Variants in B3GALT1 observed in about 807,000 individuals in gnomAD.
B3GALT1 encodes beta-1,3-galactosyltransferase 1, also known as UDP-Gal:betaGlcNAc beta 1,3-galactosyltransferase, polypeptide 1.
B3GALT1 carries 10 observed loss-of-function variants against 23.2 expected under a neutral mutation model. The ratio of observed to expected loss-of-function variants is 0.43; its 90% CI spans 0.27 to 0.73. B3GALT1 has a LOEUF of 0.73. B3GALT1 is among the 30% of genes least tolerant of loss of function. B3GALT1 has a pLI of 0.21. For synonymous variants in B3GALT1, 156 were observed against 141.5 expected (o/e 1.10, Z -0.73); for missense variants, 299 against 405.4 (o/e 0.74, Z 2.25).
intron 1 of B3GALT1, among the ~76,000 whole-genome samples, chr2:167,365,585 TACACACACACACACAC>T (rs10683932): frequency 1.3e-3 from 182 of 140,472 alleles, no homozygotes; most frequent in South Asian, 2.4e-3. Flanking sequence ...GAGATACAAA[TACACACACACACACAC>T]ACACACACAC....
intron 2 of B3GALT1, among the ~76,000 whole-genome samples, chr2:167,548,675 C>CTGTGTGAGTGTGTGTGTGT (rs1231846870): frequency 1.0e-5 from 1 of 99,844 alleles, no homozygotes; most frequent in South Asian, 4.4e-4. Context: ...CCTGTCCAGA[C>CTGTGTGAGTGTGTGTGTGT]GTGTGTGTGA....
intron 1 of B3GALT1, among the ~76,000 whole-genome samples, chr2:167,416,139 G>A (rs905964369): frequency 6.6e-6 from 1 of 152,194 alleles, no homozygotes; most frequent in Non-Finnish European, 1.5e-5. Flanking sequence ...GGTGGTAGAA[G>A]AAGACCCTGG....
intron 2 of B3GALT1, among the ~76,000 whole-genome samples, chr2:167,568,620 A>G (rs1443658574): frequency 1.3e-5 from 2 of 151,996 alleles, no homozygotes; most frequent in Non-Finnish European, 2.9e-5. Flanking sequence ...TATATATTTT[A>G]GATAACAATA....
At chr2:167,362,986 G>A (rs1028403209) in intron 1 of B3GALT1, among the ~76,000 whole-genome samples, 2 of 152,058 alleles carry the variant, frequency 1.3e-5, no homozygotes, top group African/African-American at 4.8e-5. Flanking sequence ...CTCTGAAGTA[G>A]CTGGGATTAC....
intron 1 of B3GALT1, among the ~76,000 whole-genome samples, chr2:167,432,959 T>C (rs1698727166): frequency 6.6e-6 from 1 of 152,154 alleles, no homozygotes; most frequent in Non-Finnish European, 1.5e-5. Context: ...TGGTTTACAT[T>C]GGGCCTCACT....
intron 4 of B3GALT1, among the ~76,000 whole-genome samples, chr2:167,860,084 T>C (rs1690070214): frequency 6.6e-6 from 1 of 152,156 alleles, no homozygotes; most frequent in Non-Finnish European, 1.5e-5. Context: ...AGGAGTTGGG[T>C]ATCAAAATAA....
intron 3 of B3GALT1, among the ~76,000 whole-genome samples, chr2:167,775,550 C>T (rs1170365063): frequency 1.6e-4 from 21 of 135,454 alleles, no homozygotes; most frequent in South Asian, 4.8e-4. Context: ...GCTGGGACAA[C>T]AGAGTGAGAC....
intron 3 of B3GALT1, chr2:167,714,371 A>G (rs1687110712): frequency 6.0e-6 from 9 of 1,506,790 alleles, no homozygotes; most frequent in Non-Finnish European, 8.3e-6. Context: ...CTGATGGTCC[A>G]GAGGATTCCC....
intron 1 of B3GALT1, among the ~76,000 whole-genome samples, chr2:167,431,739 A>G (rs957197520): frequency 6.6e-6 from 1 of 152,228 alleles, no homozygotes; most frequent in African/African-American, 2.4e-5. Flanking sequence ...TGGGCAAAGC[A>G]TCCTGCTCTT....
At position 167,498,783 on chromosome 2, in the gene B3GALT1, C is replaced by A. The variant is rs1376383083; in HGVS notation, c.-410+8506C>A. ...CAAGTCAATTCTTTGCCCCCATTCC[C>A]TTTCTTCTCCTTGCAGATCCCCATC... On this transcript the variant is annotated intron_variant, in intron 2 of 4. Transcript: ENST00000392690. Among the ~76,000 whole-genome samples, 3 of 152,064 alleles carry A rather than the reference C, an allele frequency of 2.0e-5. No homozygotes were observed. In the East Asian group the frequency reaches 5.8e-4, roughly 29 times the overall value.
chr2:167,688,067 A>G (rs1686645986), intron 3 of B3GALT1, among the ~76,000 whole-genome samples: 1 of 152,120 alleles, frequency 6.6e-6, no homozygotes, highest in Non-Finnish European at 1.5e-5. Flanking sequence ...TACATATTGT[A>G]ATATAATCAC....
At chr2:167,779,302 C>G (rs1463865133) in intron 3 of B3GALT1, among the ~76,000 whole-genome samples, 1 of 151,954 alleles carries the variant, frequency 6.6e-6, no homozygotes, top group Non-Finnish European at 1.5e-5. Flanking sequence ...GCTTACCATA[C>G]GTAGATATAA....
At position 167,534,511 on chromosome 2, in the gene B3GALT1, G is replaced by A. The variant is rs916382615; in HGVS notation, c.-410+44234G>A. On this transcript the variant is annotated intron_variant, in intron 2 of 4. Transcript: ENST00000392690. ...CTAGTTGGAAATATTTCTGTGGGTG[G>A]ACATTTTTAATGGGGAAATCTTTGC... is the stretch of plus-strand genomic sequence containing the variant. Among the ~76,000 whole-genome samples, 89 of 152,054 alleles carry A rather than the reference G, an allele frequency of 5.9e-4. 1 individual carries two copies. The highest frequency in any genetic ancestry group is 1.0e-4 in the Non-Finnish European group (7 of 68,000).
chr2:167,757,725 G>A (rs533402861), intron 3 of B3GALT1, among the ~76,000 whole-genome samples: 7 of 152,234 alleles, frequency 4.6e-5, no homozygotes, highest in Admixed American at 6.5e-5. Flanking sequence ...GCCTATGGCT[G>A]ATTTGATTTG....
intron 2 of B3GALT1, among the ~76,000 whole-genome samples, chr2:167,512,622 G>GTATATATATATATGTATATATATATA (rs1491336747): frequency 6.8e-4 from 29 of 42,378 alleles, no homozygotes; most frequent in African/African-American, 5.6e-3. Flanking sequence ...ATATATATAC[G>GTATATATATATATGTATATATATATA]TGTATATATA....
At chr2:167,483,698 C>T (rs1699588295) in intron 1 of B3GALT1, among the ~76,000 whole-genome samples, 1 of 152,156 alleles carries the variant, frequency 6.6e-6, no homozygotes, top group Non-Finnish European at 1.5e-5. Flanking sequence ...ATTTTAATTG[C>T]TACCATTTAT....
intron 3 of B3GALT1, among the ~76,000 whole-genome samples, chr2:167,758,953 G>A (rs931276998): frequency 2.6e-5 from 4 of 152,076 alleles, no homozygotes; most frequent in South Asian, 2.1e-4. Context: ...CCTCAGCCTC[G>A]CAGCACCTTT....
intron 2 of B3GALT1, among the ~76,000 whole-genome samples, chr2:167,614,428 G>C (rs981695065): frequency 2.0e-5 from 3 of 151,690 alleles, no homozygotes; most frequent in Non-Finnish European, 3.0e-5. Context: ...AAGTCTAAAT[G>C]TTTAAGAGTT....
chr2:167,660,203 CTCTT>C (rs1161080327), intron 3 of B3GALT1, among the ~76,000 whole-genome samples: 2 of 152,060 alleles, frequency 1.3e-5, no homozygotes, highest in African/African-American at 4.8e-5. Flanking sequence ...CTTTTCATAG[CTCTT>C]TCTAACTAAA....
Sources: gnomAD v4.1 joint callset for allele counts (sites outside exome capture counted in the v4.1 genomes callset) on GRCh38, gnomAD v4.1.1 for gene constraint, MANE v1.5 for transcripts, NCBI Gene and HGNC (gene_info 2026-07-23, HGNC 2026-07-21) for gene names.